Variants in BMPR1B observed in about 807,000 individuals in gnomAD.
The protein encoded by BMPR1B is bone morphogenetic protein receptor type 1B.
BMPR1B carries 12 observed loss-of-function variants against 59.1 expected under a neutral mutation model. The ratio of observed to expected loss-of-function variants is 0.20; its 90% CI spans 0.13 to 0.33. The LOEUF is 0.33. Among genes scored for constraint, BMPR1B ranks in the 10% least tolerant of loss-of-function variants. The pLI, the probability that BMPR1B is intolerant of heterozygous loss-of-function variation, is 1.00. For synonymous variants in BMPR1B, 237 were observed against 207.3 expected (o/e 1.14, Z -1.23); for missense variants, 550 against 610.9 (o/e 0.90, Z 1.05).
intron 2 of BMPR1B, among the ~76,000 whole-genome samples, chr4:94,927,270 G>T (rs1329676770): frequency 6.6e-6 from 1 of 152,244 alleles, no homozygotes; most frequent in Non-Finnish European, 1.5e-5. Flanking sequence ...AGATCATTAG[G>T]CTCCTCTAGA....
intron 3 of BMPR1B, chr4:95,103,319 C>A: frequency 7.8e-6 from 2 of 257,560 alleles, no homozygotes; most frequent in Non-Finnish European, 1.2e-5. Flanking sequence ...AAATATGTGG[C>A]ATATCTTATA....
At chr4:95,002,515 A>G (rs1311061066) in intron 3 of BMPR1B, among the ~76,000 whole-genome samples, 1 of 152,200 alleles carries the variant, frequency 6.6e-6, no homozygotes, top group Non-Finnish European at 1.5e-5. Context: ...ACTGGGTCGA[A>G]TGGTAGTTCT....
chr4:95,112,684 C>A (rs1422887684), intron 4 of BMPR1B, among the ~76,000 whole-genome samples: 4 of 151,900 alleles, frequency 2.6e-5, no homozygotes, highest in Admixed American at 2.6e-4. Context: ...CAGGGTCTCC[C>A]CTCTTTATAT....
intron 3 of BMPR1B, among the ~76,000 whole-genome samples, chr4:95,003,879 C>T (rs1722636247): frequency 7.6e-6 from 1 of 132,438 alleles, no homozygotes; most frequent in South Asian, 2.6e-4. Flanking sequence ...ACAATCTCAG[C>T]TCAATACAAC....
intron 2 of BMPR1B, among the ~76,000 whole-genome samples, chr4:94,912,740 G>C (rs1728327294): frequency 1.3e-5 from 2 of 152,156 alleles, no homozygotes; most frequent in Admixed American, 1.3e-4. Flanking sequence ...AGGTAGCTGA[G>C]AAAGCCTCAC....
intron 3 of BMPR1B, among the ~76,000 whole-genome samples, chr4:95,030,862 A>G (rs1724790680): frequency 6.6e-6 from 1 of 152,194 alleles, no homozygotes; most frequent in Admixed American, 6.6e-5. Context: ...TGCTCAACGA[A>G]ATAAAAGAGG....
chr4:94,907,831 T>C (rs1041141771), intron 2 of BMPR1B, among the ~76,000 whole-genome samples: 1 of 151,698 alleles, frequency 6.6e-6, no homozygotes, highest in Non-Finnish European at 1.5e-5. Flanking sequence ...TACTCCTTTT[T>C]CTATCTAGTA....
At position 95,148,906 on chromosome 4, in the gene BMPR1B, G is replaced by A. The variant is rs561948192; in HGVS notation, c.1235G>A (p.Arg412Lys). 4 of 1,614,010 alleles carry A rather than the reference G, an allele frequency of 2.5e-6. No homozygotes were observed. In the East Asian group the frequency reaches 8.9e-5, roughly 36 times the overall value. ...SFGLILWEVA[R>K]RCVSGGIVEE... Reference sequence around the variant, plus strand: ...GGCCTCATCCTTTGGGAGGTTGCTAGGAGATGTGTATCAGGAGGTAAGAAA... The same window carrying A: ...GGCCTCATCCTTTGGGAGGTTGCTAAGAGATGTGTATCAGGAGGTAAGAAA... Residue 412 changes from arginine to lysine, a missense_variant, in exon 11 of 13, where the codon AGG (arginine) becomes AAG (lysine). Around this residue, in one of 6 missense-constraint regions of BMPR1B, gnomAD observed 123 missense variants for 164.6 expected, o/e 0.75. Transcript: ENST00000515059.
intron 1 of BMPR1B, among the ~76,000 whole-genome samples, chr4:94,774,849 T>C (rs181500661): frequency 6.6e-6 from 1 of 151,640 alleles, no homozygotes; most frequent in Admixed American, 6.5e-5. Flanking sequence ...ACCCAAAAGA[T>C]GCTTGGTCAG....
At chr4:94,965,712 T>A (rs1206233635) in intron 2 of BMPR1B, among the ~76,000 whole-genome samples, 1 of 152,200 alleles carries the variant, frequency 6.6e-6, no homozygotes, top group African/African-American at 2.4e-5. Context: ...GTGTTCTTCC[T>A]GGTGAATGTG....
intron 12 of BMPR1B, among the ~76,000 whole-genome samples, 164 bp downstream of exon 12, chr4:95,152,937 A>G (rs1280095902): frequency 6.6e-6 from 1 of 152,194 alleles, no homozygotes; most frequent in African/African-American, 2.4e-5. Context: ...AGTATGTTAA[A>G]TTACTTGTTC....
At chr4:94,765,157 A>G (rs79324062) in intron 1 of BMPR1B, among the ~76,000 whole-genome samples, 2,613 of 152,274 alleles carry the variant, frequency 0.017, 52 homozygotes, top group East Asian at 0.083. Flanking sequence ...TGGCAGGAAA[A>G]TTAGAAATTT....
intron 2 of BMPR1B, among the ~76,000 whole-genome samples, chr4:94,989,395 A>C (rs1190587787): frequency 6.6e-6 from 1 of 151,736 alleles, no homozygotes; most frequent in African/African-American, 2.4e-5. Context: ...CTAAAAAAAA[A>C]AAAAAAAACA....
intron 4 of BMPR1B, among the ~76,000 whole-genome samples, chr4:95,108,030 T>C (rs1327094135): frequency 6.6e-6 from 1 of 152,022 alleles, no homozygotes; most frequent in East Asian, 1.9e-4. Context: ...AAAGATAATT[T>C]TCTCTCCACA....
intron 2 of BMPR1B, among the ~76,000 whole-genome samples, chr4:94,943,568 A>T (rs1015954127): frequency 3.3e-5 from 5 of 152,208 alleles, no homozygotes; most frequent in Non-Finnish European, 5.9e-5. Flanking sequence ...CATGCTTAGG[A>T]TAGTGCCCTG....
intron 3 of BMPR1B, among the ~76,000 whole-genome samples, chr4:94,997,039 A>G (rs756102316): frequency 1.1e-4 from 17 of 152,198 alleles, no homozygotes; most frequent in Non-Finnish European, 2.2e-4. Context: ...TTGTATGTTT[A>G]TATGTACTAC....
rs1432976783 is a variant in BMPR1B, at chr4:94,974,730, A to G, written c.-112-21310A>G. Among the ~76,000 whole-genome samples, 7 of 152,120 alleles carry G rather than the reference A, an allele frequency of 4.6e-5. No individual in the cohort carries two copies. In the East Asian group the frequency reaches 1.4e-3, roughly 29 times the overall value. ...AAACTTGCTTCAGAGCAGCGTTTATAGTTTGTACCTTTGTATGTCCCCAAA... is the reference window on the plus strand; with the variant it reads ...AAACTTGCTTCAGAGCAGCGTTTATGGTTTGTACCTTTGTATGTCCCCAAA... On this transcript the variant is annotated intron_variant, in intron 2 of 12. Transcript: ENST00000515059.
chr4:94,898,082 G>A (rs1727659194), intron 2 of BMPR1B, among the ~76,000 whole-genome samples: 1 of 151,274 alleles, frequency 6.6e-6, no homozygotes, highest in Admixed American at 6.6e-5. Context: ...GAATAGCTGG[G>A]ACTACACGTG....
rs1346115955 is a variant in BMPR1B, at chr4:95,104,467, A to G, written c.43A>G (p.Lys15Glu). Residue 15 changes from lysine (K) to glutamate (E), a missense_variant, in exon 4 of 13, where the codon AAA (lysine) becomes GAA (glutamate). Transcript: ENST00000515059. ...AGGAAAATTAAATGTGGGCACCAAG[A>G]AAGAGGATGGTGAGAGTACAGCCCC... ...SAGKLNVGTK[K>E]EDGESTAPTP... The G allele has an allele frequency of 1.3e-5, 21 of 1,613,376 alleles. No homozygotes were observed. The highest frequency in any genetic ancestry group is 4.0e-5 in the African/African-American group (3 of 74,888).
Sources: allele counts gnomAD v4.1 joint callset (sites outside exome capture counted in the v4.1 genomes callset), GRCh38; gene constraint gnomAD v4.1.1; regional missense constraint gnomAD v4.1.1; transcripts MANE v1.5; gene names NCBI Gene and HGNC (gene_info 2026-07-23, HGNC 2026-07-21).